The following CEP63 variants were observed in gnomAD, a reference collection of about 807,000 sequenced individuals.
The protein encoded by CEP63 is centrosomal protein of 63 kDa.
A neutral mutation model predicts 89.1 loss-of-function variants in CEP63; 84 were observed. The observed-to-expected ratio is 0.94, with a 90% CI of 0.79 to 1.13. The LOEUF (loss-of-function observed/expected upper bound fraction) is 1.13. Ranked by LOEUF, CEP63 falls within the 50% of genes most tolerant of loss-of-function variation. CEP63 has a pLI of 0.00. For missense variants in CEP63, 838 were observed against 813.3 expected (o/e 1.03, Z -0.37); for synonymous variants, 267 against 272.5 (o/e 0.98, Z 0.20).
chr3:134,489,636 T>G (rs1191530972), intron 1 of CEP63, among the ~76,000 whole-genome samples: 1 of 152,218 alleles, frequency 6.6e-6, no homozygotes, highest in African/African-American at 2.4e-5. Context: ...TATCTAATTC[T>G]ATTATTTCTT....
At chr3:134,755,440 A>T in the CEP63 span, among the ~76,000 whole-genome samples, 43 of 152,280 alleles carry the variant, frequency 2.8e-4, no homozygotes, top group Admixed American at 2.3e-3. Flanking sequence ...AGTCTACCAC[A>T]TTATATGCAC....
At chr3:134,654,302 G>A in the CEP63 span, among the ~76,000 whole-genome samples, 2 of 152,148 alleles carry the variant, frequency 1.3e-5, no homozygotes, top group Non-Finnish European at 2.9e-5. Context: ...GACCCCCACT[G>A]TTTTCCCTCA....
the CEP63 span, among the ~76,000 whole-genome samples, chr3:134,616,012 C>G: frequency 6.6e-6 from 1 of 152,220 alleles, no homozygotes. Context: ...AACCTGCTAG[C>G]TGGTGATGCT....
At chr3:134,515,344 A>G (rs1945984708) in intron 3 of CEP63, among the ~76,000 whole-genome samples, 1 of 152,254 alleles carries the variant, frequency 6.6e-6, no homozygotes, top group South Asian at 2.1e-4. Flanking sequence ...GGTTTGTTAA[A>G]TGTAAATGCA....
the CEP63 span, among the ~76,000 whole-genome samples, chr3:134,753,002 G>A: frequency 3.3e-5 from 5 of 152,154 alleles, no homozygotes; most frequent in South Asian, 2.1e-4. Context: ...GAGAAGAAAG[G>A]GCCTCTGGGG....
the CEP63 span, among the ~76,000 whole-genome samples, chr3:134,670,354 G>A: frequency 6.6e-6 from 1 of 152,262 alleles, no homozygotes; most frequent in African/African-American, 2.4e-5. Flanking sequence ...TAGCTATGGG[G>A]GTCCCTGATT....
the CEP63 span, among the ~76,000 whole-genome samples, chr3:134,757,036 C>G: frequency 6.6e-6 from 1 of 152,192 alleles, no homozygotes; most frequent in Non-Finnish European, 1.5e-5. Context: ...CTGTCCTGCT[C>G]TCAGGTTCTG....
At position 134,486,085 on chromosome 3, in the gene CEP63, T is replaced by TG. The variant is rs1195371562; in HGVS notation, c.-141dup. 1 of 985,252 alleles carries TG rather than the reference T, an allele frequency of 1.0e-6. No individual in the cohort carries two copies. The highest frequency in any genetic ancestry group is 1.2e-6 in the Non-Finnish European group (1 of 829,964). 61.0% of individuals were successfully genotyped at this position (985,252 alleles called of 1,614,324 possible). A position where few individuals can be genotyped will look rare whatever the true frequency, so the allele number is the denominator to read the frequency against. On this transcript the variant is annotated 5_prime_UTR_variant, in exon 1 of 15. Coordinates refer to ENST00000675561, the MANE Select transcript of CEP63 (RefSeq NM_001353108.3). ...CATTTGCTCGCGTGCAGGGGAAGTC[T>TG]GGAGAAGGCATTGTTTCAATTATTA...
chr3:134,488,454 A>G (rs1042677612), intron 1 of CEP63, among the ~76,000 whole-genome samples: 1 of 151,930 alleles, frequency 6.6e-6, no homozygotes, highest in African/African-American at 2.4e-5. Flanking sequence ...TGAAAATGCA[A>G]TAAAATTAGC....
At chr3:134,538,331 C>T (rs558047995) in intron 6 of CEP63, among the ~76,000 whole-genome samples, 1 of 149,962 alleles carries the variant, frequency 6.7e-6, no homozygotes, top group Admixed American at 6.7e-5. Context: ...AAACTACCGA[C>T]AGTGGCTGTG....
At chr3:134,770,896 A>T in the CEP63 span, among the ~76,000 whole-genome samples, 3 of 152,320 alleles carry the variant, frequency 2.0e-5, no homozygotes, top group South Asian at 4.1e-4. Flanking sequence ...AAGTCTTTCA[A>T]AGTTACAGCT....
At chr3:134,624,949 G>A in the CEP63 span, 3 of 1,003,434 alleles carry the variant, frequency 3.0e-6, no homozygotes, top group Non-Finnish European at 1.5e-6. Context: ...ATCCAACCAA[G>A]CCACTCAGGA....
At chr3:134,654,610 T>G in the CEP63 span, among the ~76,000 whole-genome samples, 1 of 152,212 alleles carries the variant, frequency 6.6e-6, no homozygotes. Flanking sequence ...CCTCAGCCAG[T>G]GTAGGCTTCC....
At position 134,520,715 on chromosome 3, in the gene CEP63, C is replaced by T. The variant is rs144907550; in HGVS notation, c.223-11130C>T. ...ACCAATGGAACAGAATAAAGAGTCC[C>T]GTAACAGAGATCCCACATATGTGAA... On this transcript the variant is annotated intron_variant, in intron 3 of 14. Transcript: ENST00000675561. 1.8e-4 allele frequency among the ~76,000 whole-genome samples: 28 copies of T among 152,156 alleles called. 1 individual carries two copies. Among genetic ancestry groups the T allele is most frequent in the African/African-American group, 5.5e-4 (23 of 41,530 alleles).
At chr3:134,530,374 C>A (rs1290975897) in intron 3 of CEP63, among the ~76,000 whole-genome samples, 2 of 152,170 alleles carry the variant, frequency 1.3e-5, no homozygotes, top group Middle Eastern at 3.4e-3. Flanking sequence ...TGAAATTAAG[C>A]CTTTTTTCAT....
chr3:134,781,047 T>C, the CEP63 span, among the ~76,000 whole-genome samples: 2 of 152,228 alleles, frequency 1.3e-5, no homozygotes, highest in Non-Finnish European at 2.9e-5. Flanking sequence ...AATACTTCCC[T>C]TGACATGGAG....
the CEP63 span, among the ~76,000 whole-genome samples, chr3:134,764,944 T>G: frequency 6.6e-6 from 1 of 152,212 alleles, no homozygotes; most frequent in Non-Finnish European, 1.5e-5. Flanking sequence ...ACTTTCAGAA[T>G]CCTTTAACGT....
chr3:134,732,113 A>G, the CEP63 span, among the ~76,000 whole-genome samples: 1 of 152,254 alleles, frequency 6.6e-6, no homozygotes, highest in Non-Finnish European at 1.5e-5. Context: ...GAGATAAAAA[A>G]TGAACAAGAT....
At chr3:134,692,672 T>C in the CEP63 span, among the ~76,000 whole-genome samples, 1 of 152,334 alleles carries the variant, frequency 6.6e-6, no homozygotes, top group South Asian at 2.1e-4. Flanking sequence ...CAGGGGTCCT[T>C]GAACAACAAC....
Sources: allele counts gnomAD v4.1 joint callset (sites outside exome capture counted in the v4.1 genomes callset), GRCh38; gene constraint gnomAD v4.1.1; transcripts MANE v1.5; gene names NCBI Gene and HGNC (gene_info 2026-07-23, HGNC 2026-07-21).